Variants in NFIB observed in about 807,000 individuals in gnomAD.
NFIB encodes the protein nuclear factor I B, also known as nuclear factor 1 B-type.
A neutral mutation model predicts 61.5 loss-of-function variants in NFIB; 11 were observed. That is an observed-to-expected ratio of 0.18 (90% CI 0.11 to 0.30). NFIB has a LOEUF of 0.30. NFIB is among the 10% of genes least tolerant of loss of function. The probability of loss-of-function intolerance (pLI) is 1.00; values close to 1 mark genes in which losing one functional copy is unlikely to be tolerated. For synonymous variants in NFIB, 260 were observed against 216.5 expected (o/e 1.20, Z -1.76); for missense variants, 471 against 608.9 (o/e 0.77, Z 2.38).
At chr9:14,357,974 C>T (rs1270548053) in intron 1 of NFIB, 1 of 152,102 alleles carries the variant, frequency 6.6e-6, no homozygotes, top group Admixed American at 6.6e-5. Flanking sequence ...TAGTGATTGG[C>T]TAGAGCTTGG....
rs139051251 is a variant in NFIB at position 14,144,410 on chromosome 9, T to C, written c.925+2279A>G. Among the ~76,000 whole-genome samples, 53 of 152,310 alleles carry C rather than the reference T, an allele frequency of 3.5e-4. 1 individual carries two copies. The East Asian group carries it at 9.7e-3, about 28-fold the overall frequency. On this transcript the variant is annotated intron_variant, in intron 6 of 10. Transcript: ENST00000380953. ...GGCTTTGTTTAGAATAAGCTGACAA[T>C]GTCAGTAAAACAAGCAATAAAATAT...
At chr9:14,345,061 T>C (rs1451329761) in intron 1 of NFIB, among the ~76,000 whole-genome samples, 2 of 152,164 alleles carry the variant, frequency 1.3e-5, no homozygotes, top group Non-Finnish European at 2.9e-5. Flanking sequence ...GGAGTCCGTC[T>C]TGGGCCACTC....
intron 4 of NFIB, among the ~76,000 whole-genome samples, chr9:14,153,922 G>T (rs971218148): frequency 3.3e-5 from 5 of 152,168 alleles, no homozygotes; most frequent in Middle Eastern, 3.4e-3. Context: ...ATATGGAGGA[G>T]AAAATAAATG....
At chr9:14,158,712 C>T (rs564189708) in intron 3 of NFIB, among the ~76,000 whole-genome samples, 11 of 152,224 alleles carry the variant, frequency 7.2e-5, no homozygotes, top group African/African-American at 1.9e-4. Context: ...TTATACTAAC[C>T]TCTGTTATTC....
the NFIB span, among the ~76,000 whole-genome samples, chr9:14,449,294 A>C: frequency 6.6e-6 from 1 of 152,132 alleles, no homozygotes; most frequent in African/African-American, 2.4e-5. Context: ...TCTCAAACTT[A>C]TATGCACATT....
In NFIB at chr9:14,388,153, C is replaced by A. The variant is rs2061571342; in HGVS notation, c.108+10371G>T. ...TGCATAAAAGTATTATAGGATACTACAGTTAATATTAATAGCTTGAATTAC... is the reference window on the plus strand; with the variant it reads ...TGCATAAAAGTATTATAGGATACTAAAGTTAATATTAATAGCTTGAATTAC... On this transcript the variant is annotated intron_variant, in intron 1 of 8. Coordinates refer to the NFIB transcript ENST00000380934. Among the ~76,000 whole-genome samples the A allele has an allele frequency of 2.0e-5, 3 of 152,090 alleles. No homozygotes were observed. The South Asian group carries it at 6.2e-4, about 32-fold the overall frequency.
At chr9:14,339,543 C>T (rs562608353) in intron 1 of NFIB, among the ~76,000 whole-genome samples, 1 of 152,286 alleles carries the variant, frequency 6.6e-6, no homozygotes, top group South Asian at 2.1e-4. Context: ...GCTCTTGCTG[C>T]TCTCACTGGT....
chr9:14,530,896 CAAAAAGAAGAAAA>C, the NFIB span, among the ~76,000 whole-genome samples: 10 of 146,648 alleles, frequency 6.8e-5, no homozygotes, highest in South Asian at 8.8e-4. Context: ...AGGAAAGGGG[CAAAAAGAAGAAAA>C]AAAAAGAAGA....
At chr9:14,155,003 C>T (rs997112698) in intron 4 of NFIB, among the ~76,000 whole-genome samples, 10 of 152,120 alleles carry the variant, frequency 6.6e-5, no homozygotes, top group African/African-American at 1.4e-4. Context: ...GTGACTACAT[C>T]ATCTGAATAA....
chr9:14,512,396 T>C, the NFIB span, among the ~76,000 whole-genome samples: 1 of 66,298 alleles, frequency 1.5e-5, no homozygotes, highest in Non-Finnish European at 4.1e-5. Context: ...CAGACTTTCA[T>C]TACTAAGTAA....
intron 2 of NFIB, among the ~76,000 whole-genome samples, chr9:14,258,713 C>T (rs956781821): frequency 1.3e-5 from 2 of 152,186 alleles, no homozygotes; most frequent in Non-Finnish European, 2.9e-5. Context: ...TTCCAAAATA[C>T]GTGCTTTTAA....
intron 1 of NFIB, among the ~76,000 whole-genome samples, chr9:14,346,275 C>T (rs2061018417): frequency 7.2e-6 from 1 of 138,036 alleles, no homozygotes; most frequent in Non-Finnish European, 1.6e-5. Context: ...TCCGCAGTCA[C>T]ACGAGGTAAC....
intron 1 of NFIB, among the ~76,000 whole-genome samples, chr9:14,324,030 A>G (rs1365050793): frequency 2.0e-5 from 3 of 152,216 alleles, no homozygotes; most frequent in African/African-American, 7.2e-5. Context: ...TAGCATATAC[A>G]GCTTGGAGAA....
chr9:14,448,877 C>T, the NFIB span, among the ~76,000 whole-genome samples: 5 of 152,196 alleles, frequency 3.3e-5, no homozygotes, highest in African/African-American at 7.2e-5. Context: ...GCTACACCTG[C>T]GTAAATCTTG....
Position 14,313,912 on chromosome 9 carries a change from GTGGT to G in NFIB, c.-405_-402del, listed in dbSNP as rs904393458. 57 of 1,061,086 alleles carry G rather than the reference GTGGT, an allele frequency of 5.4e-5. No individual in the cohort carries two copies. Among genetic ancestry groups the G allele is most frequent in the Non-Finnish European group, 5.8e-5 (51 of 878,756 alleles). 65.7% of individuals were successfully genotyped at this position (1,061,086 alleles called of 1,614,324 possible). On this transcript the variant is annotated 5_prime_UTR_variant, in exon 1 of 11. Transcript: ENST00000380953. This position sits in a 1 kb window ranked among gnomAD's most constrained non-coding sequence, Gnocchi z 4.5. Reference sequence around the variant, plus strand: ...GTTCGGTGTGGGTTGGATTGGGGTGGTGGTTGGTGGTAAAATGCTTTTTCAAAAA... The same window carrying G: ...GTTCGGTGTGGGTTGGATTGGGGTGGTGGTGGTAAAATGCTTTTTCAAAAA...
chr9:14,508,408 A>G, the NFIB span, among the ~76,000 whole-genome samples: 4 of 152,288 alleles, frequency 2.6e-5, no homozygotes, highest in East Asian at 7.7e-4. Context: ...TCAATGTCTC[A>G]TACTACCTCA....
At chr9:14,520,542 T>A in the NFIB span, among the ~76,000 whole-genome samples, 1 of 152,188 alleles carries the variant, frequency 6.6e-6, no homozygotes, top group African/African-American at 2.4e-5. Flanking sequence ...TGCAAAACAG[T>A]CACTCTCTTC....
chr9:14,283,816 A>T (rs2058537164), intron 2 of NFIB, among the ~76,000 whole-genome samples: 2 of 152,264 alleles, frequency 1.3e-5, no homozygotes, highest in Non-Finnish European at 2.9e-5. Flanking sequence ...ACAGATGCAC[A>T]TCTAAGCAAG....
chr9:14,106,494 A>C (rs1231885173), intron 10 of NFIB, among the ~76,000 whole-genome samples: 3 of 152,098 alleles, frequency 2.0e-5, no homozygotes, highest in African/African-American at 7.2e-5. Flanking sequence ...TTTTCACTGC[A>C]TATGTTCTTA....
Sources: gnomAD v4.1 joint callset for allele counts (sites outside exome capture counted in the v4.1 genomes callset) on GRCh38, gnomAD v4.1.1 for gene constraint, Gnocchi (gnomAD v3.1) non-coding constraint, MANE v1.5 for transcripts, NCBI Gene and HGNC (gene_info 2026-07-23, HGNC 2026-07-21) for gene names.